Variants in BMPR1A observed in about 807,000 individuals in gnomAD.
BMPR1A encodes the protein bone morphogenetic protein receptor type 1A, also known as bone morphogenetic protein receptor type-1A.
In BMPR1A, 7 loss-of-function variants were observed where a neutral mutation model predicts 66.0. That is an observed-to-expected ratio of 0.11 (90% CI 0.06 to 0.20). BMPR1A has a LOEUF of 0.20. BMPR1A is among the 10% of genes least tolerant of loss of function. The probability of loss-of-function intolerance (pLI) is 1.00; values close to 1 mark genes in which losing one functional copy is unlikely to be tolerated. For synonymous variants in BMPR1A, 200 were observed against 229.7 expected, an observed-to-expected ratio of 0.87 and a Z score of 1.17; for missense variants, 408 against 669.1, an observed-to-expected ratio of 0.61 and a Z score of 4.31.
At chr10:86,815,360 AG>A (rs1267698368) in intron 1 of BMPR1A, among the ~76,000 whole-genome samples, 1 of 151,836 alleles carries the variant, frequency 6.6e-6, no homozygotes, top group African/African-American at 2.4e-5. Flanking sequence ...AATTTTCAGC[AG>A]TTTTTTTTCT....
At chr10:86,797,068 C>CTTTTTTTTTTTTTTTTTTTTT (rs780930060) in intron 1 of BMPR1A, among the ~76,000 whole-genome samples, 4 of 105,024 alleles carry the variant, frequency 3.8e-5, no homozygotes, top group Admixed American at 1.0e-4. Flanking sequence ...CTTTTCTTTT[C>CTTTTTTTTTTTTTTTTTTTTT]TTTTTTTTTT....
rs1011110863 is a variant in BMPR1A at position 86,843,722 on chromosome 10, T to A, written c.-153+4743T>A. Among the ~76,000 whole-genome samples the A allele has an allele frequency of 5.3e-5, 8 of 152,274 alleles. No homozygotes were observed. In the East Asian group the frequency reaches 1.5e-3, roughly 29 times the overall value. ...GAAAAGTGCATGGATAGAAAATGAATGTTTTTGTAGGAATGTGGTGAAGGT... is the reference window on the plus strand; with the variant it reads ...GAAAAGTGCATGGATAGAAAATGAAAGTTTTTGTAGGAATGTGGTGAAGGT... On this transcript the variant is annotated intron_variant, in intron 2 of 12. Transcript: ENST00000372037.
Position 86,831,772 on chromosome 10 carries a change from A to G in BMPR1A, c.-267-7093A>G, listed in dbSNP as rs192096271. On this transcript the variant is annotated intron_variant, in intron 1 of 12. Coordinates refer to ENST00000372037, the MANE Select transcript of BMPR1A (RefSeq NM_004329.3). ...GAGCAAGACCCTGTCTCAAATAAAA[A>G]AATAGTGACACTAATCATCCTTGTA... Among the ~76,000 whole-genome samples, 26 of 152,280 alleles carry G rather than the reference A, an allele frequency of 1.7e-4. No individual in the cohort carries two copies. The East Asian group carries it at 3.9e-3, about 23-fold the overall frequency.
Position 86,855,327 on chromosome 10 carries a change from T to TA in BMPR1A, c.-153+16350dup, listed in dbSNP as rs1842626321. 5.4e-6 allele frequency: 5 copies of TA among 928,060 alleles called. No homozygotes were observed. In the Admixed American group the frequency reaches 1.4e-4, roughly 26 times the overall value. The allele number at this position is 928,060 out of a possible 1,614,324, so 57.5% of individuals were successfully genotyped here. On this transcript the variant is annotated intron_variant, in intron 2 of 12. Transcript: ENST00000372037. ...TCAAAGTCTCCTTCAAAACTTTAAG[T>TA]AAGTTTCTATTTGCCACTTCAGGAC...
intron 1 of BMPR1A, among the ~76,000 whole-genome samples, chr10:86,807,494 C>T (rs1408864119): frequency 6.6e-6 from 1 of 152,062 alleles, no homozygotes; most frequent in Non-Finnish European, 1.5e-5. Context: ...GGTCCTCCTG[C>T]CTCAGCCTCC....
intron 2 of BMPR1A, among the ~76,000 whole-genome samples, chr10:86,842,108 C>T (rs1015928319): frequency 1.3e-5 from 2 of 152,128 alleles, no homozygotes; most frequent in African/African-American, 4.8e-5. Context: ...GTAAAATAAC[C>T]TGGGCTTGCC....
intron 3 of BMPR1A, among the ~76,000 whole-genome samples, chr10:86,886,892 C>T (rs1843074700): frequency 7.4e-6 from 1 of 135,388 alleles, no homozygotes; most frequent in African/African-American, 2.8e-5. Flanking sequence ...AGTGCAATGG[C>T]TTGATCTCTG....
intron 1 of BMPR1A, among the ~76,000 whole-genome samples, chr10:86,765,157 C>G (rs778209675): frequency 3.9e-5 from 6 of 151,982 alleles, no homozygotes; most frequent in Non-Finnish European, 8.8e-5. Context: ...ACTTTCCTTT[C>G]CCTGGTTCTT....
At chr10:86,919,135 G>C in intron 9 of BMPR1A, 37 bp from the exon 10 acceptor site, 1 of 1,611,590 alleles carries the variant, frequency 6.2e-7, no homozygotes, top group Non-Finnish European at 8.5e-7. Context: ...GCCTATCTCT[G>C]ATGATAACTA....
intron 5 of BMPR1A, among the ~76,000 whole-genome samples, chr10:86,899,372 T>C (rs1026492750): frequency 6.6e-6 from 1 of 152,240 alleles, no homozygotes; most frequent in Non-Finnish European, 1.5e-5. Flanking sequence ...ACTTCCGACG[T>C]GGCTGGGGTA....
At chr10:86,822,004 CGTTCCTAGGCTGGTCTCGAACTGCAT>C (rs1842126742) in intron 1 of BMPR1A, among the ~76,000 whole-genome samples, 1 of 151,966 alleles carries the variant, frequency 6.6e-6, no homozygotes, top group Non-Finnish European at 1.5e-5. Context: ...GGTTTTACCA[CGTTCCTAGGCTGGTCTCGAACTGCAT>C]GTTCCCAGGC....
intron 3 of BMPR1A, among the ~76,000 whole-genome samples, chr10:86,882,513 C>G (rs534790239): frequency 1.3e-5 from 2 of 151,870 alleles, no homozygotes; most frequent in South Asian, 2.1e-4. Flanking sequence ...ATACATCAAA[C>G]GGATAATGGT....
At chr10:86,791,694 TCCCTCCCTC>T (rs1841624244) in intron 1 of BMPR1A, among the ~76,000 whole-genome samples, 1 of 73,600 alleles carries the variant, frequency 1.4e-5, no homozygotes, top group Non-Finnish European at 2.7e-5. Flanking sequence ...CCTTCCTCCC[TCCCTCCCTC>T]CCTCCCTCCC....
At position 86,828,039 on chromosome 10, in the gene BMPR1A, C is replaced by A. The variant is rs759763434; in HGVS notation, c.-267-10826C>A. Among the ~76,000 whole-genome samples, 51 of 152,254 alleles carry A rather than the reference C, an allele frequency of 3.3e-4. 1 individual carries two copies. Among genetic ancestry groups the A allele is most frequent in the Middle Eastern group, 6.8e-3 (2 of 294 alleles). On this transcript the variant is annotated intron_variant, in intron 1 of 12. Transcript: ENST00000372037. The stretch of plus-strand genomic sequence containing the variant: ...TGGTGACACGTGCCTGTAATCCCAG[C>A]CACTTGGGAGGCTGAGGCAGGAGAA...
intron 2 of BMPR1A, among the ~76,000 whole-genome samples, chr10:86,860,486 G>A (rs978070615): frequency 1.3e-5 from 2 of 151,966 alleles, no homozygotes; most frequent in African/African-American, 4.8e-5. Context: ...AATGCTAAAC[G>A]GGGCTGGGCG....
chr10:86,893,020 G>C (rs904643620), intron 5 of BMPR1A, among the ~76,000 whole-genome samples: 9 of 151,922 alleles, frequency 5.9e-5, no homozygotes, highest in Non-Finnish European at 8.8e-5. Flanking sequence ...CAAGTAATAT[G>C]ATTATGGTAA....
At chr10:86,767,089 T>C (rs1841177036) in intron 1 of BMPR1A, among the ~76,000 whole-genome samples, 1 of 152,242 alleles carries the variant, frequency 6.6e-6, no homozygotes, top group South Asian at 2.1e-4. Context: ...CCCAAAGTGC[T>C]GGGATTACAG....
chr10:86,931,941 C>T (rs1442383891), downstream of BMPR1A: 1 of 152,148 alleles, frequency 6.6e-6, no homozygotes, highest in East Asian at 1.9e-4. Context: ...ATGTTTCATC[C>T]TACCTTCTAC....
chr10:86,917,077 C>G (rs1322078393), intron 8 of BMPR1A, 57 bp from the exon 9 acceptor site: 1 of 1,573,280 alleles, frequency 6.4e-7, no homozygotes, highest in Non-Finnish European at 8.7e-7. Context: ...ACCCCTTTGC[C>G]AGTCTTAATG....
Sources: allele counts gnomAD v4.1 joint callset (sites outside exome capture counted in the v4.1 genomes callset), GRCh38; gene constraint gnomAD v4.1.1; transcripts MANE v1.5; gene names NCBI Gene and HGNC (gene_info 2026-07-23, HGNC 2026-07-21).